AIDA: variants seen among roughly 807,000 people sequenced by gnomAD.
AIDA encodes axin interactor, dorsalization-associated protein.
Under a neutral mutation model 42.7 loss-of-function variants are expected in AIDA, and 18 were observed. The observed-to-expected ratio is 0.42, with a 90% CI of 0.29 to 0.63. The LOEUF is 0.63. Among genes scored for constraint, AIDA ranks in the 20% least tolerant of loss-of-function variants. The probability of loss-of-function intolerance (pLI) is 0.19; values close to 1 mark genes in which losing one functional copy is unlikely to be tolerated. For missense variants in AIDA, 250 were observed against 354.1 expected, an observed-to-expected ratio of 0.71 and a Z score of 2.36; for synonymous variants, 104 against 122.9, an observed-to-expected ratio of 0.85 and a Z score of 1.02.
intron 8 of AIDA, 152 bp from the exon 9 acceptor site, chr1:222,670,402 T>TA (rs1202476676): frequency 3.0e-6 from 2 of 656,468 alleles, no homozygotes; most frequent in African/African-American, 3.7e-5. Context: ...GACAGTAACT[T>TA]ACTATGGTTG....
chr1:222,670,859 A>G (rs904095446), intron 8 of AIDA, among the ~76,000 whole-genome samples: 1 of 152,226 alleles, frequency 6.6e-6, no homozygotes, highest in Non-Finnish European at 1.5e-5. Flanking sequence ...GTAGAAGACA[A>G]AGGTTCAAAG....
chr1:222,670,817 C>T (rs1016615514), intron 8 of AIDA, among the ~76,000 whole-genome samples: 2 of 152,118 alleles, frequency 1.3e-5, no homozygotes, highest in Admixed American at 6.5e-5. Context: ...GATGTTTTTC[C>T]TGGAATTGCA....
chr1:222,676,249 C>A (rs1325225501), intron 6 of AIDA, 31 bp from the exon 7 acceptor site: 1 of 1,585,884 alleles, frequency 6.3e-7, no homozygotes, highest in Non-Finnish European at 8.6e-7. Context: ...ATAAAAGCTC[C>A]ATATCATTTC....
chr1:222,685,880 C>G (rs1372330780), intron 6 of AIDA, among the ~76,000 whole-genome samples: 1 of 152,230 alleles, frequency 6.6e-6, no homozygotes, highest in East Asian at 1.9e-4. Context: ...GTACTTATGG[C>G]CGGGCGCAAT....
At chr1:222,694,994 G>T (rs1558213440) in intron 2 of AIDA, among the ~76,000 whole-genome samples, 1 of 152,256 alleles carries the variant, frequency 6.6e-6, no homozygotes, top group East Asian at 1.9e-4. Context: ...AAAATTAAAG[G>T]GTTTAGAAAA....
chr1:222,691,191 C>G (rs1274140155), intron 4 of AIDA, among the ~76,000 whole-genome samples: 3 of 152,062 alleles, frequency 2.0e-5, no homozygotes, highest in Non-Finnish European at 4.4e-5. Context: ...AGGGAAAGGG[C>G]TTTCCAGGGA....
chr1:222,708,752 T>C (rs1211864118), intron 1 of AIDA, among the ~76,000 whole-genome samples: 1 of 152,188 alleles, frequency 6.6e-6, no homozygotes, highest in Non-Finnish European at 1.5e-5. Context: ...TGAGCAACAG[T>C]TTCTGTGCCA....
chr1:222,686,952 A>G lies in AIDA; in HGVS notation c.438T>C (p.Asp146=). 6.2e-7 allele frequency: 1 copy of G among 1,613,798 alleles called. No homozygotes were observed. The highest frequency in any genetic ancestry group is 8.5e-7 in the Non-Finnish European group (1 of 1,179,934). Residue 146 remains aspartate, a synonymous_variant, in exon 6 of 10, where the codon GAT becomes GAC. Transcript: ENST00000340020. ...TACCGGGAACTCTAGCAGGAAAAGA[A>G]TCAGGAGACCCTGCTCCAGCACCAC... ...EEGGAGAGSP[D]SFPARVPGTL...
intron 1 of AIDA, among the ~76,000 whole-genome samples, chr1:222,709,751 C>T (rs1655943586): frequency 2.6e-5 from 4 of 152,202 alleles, no homozygotes; most frequent in Admixed American, 2.0e-4. Context: ...GGAGCACTTA[C>T]TCTTTTCATA....
chr1:222,674,079 C>A (rs548676095), intron 7 of AIDA, among the ~76,000 whole-genome samples: 3 of 152,266 alleles, frequency 2.0e-5, no homozygotes, highest in African/African-American at 7.2e-5. Flanking sequence ...AAGAGTGAAA[C>A]TCTGTGTCAA....
At chr1:222,675,698 G>A (rs1305542344) in intron 7 of AIDA, among the ~76,000 whole-genome samples, 2 of 152,166 alleles carry the variant, frequency 1.3e-5, no homozygotes, top group Non-Finnish European at 2.9e-5. Context: ...TAATGCAGGA[G>A]GAATCGGGAA....
intron 1 of AIDA, among the ~76,000 whole-genome samples, chr1:222,707,786 T>A (rs1433640573): frequency 1.3e-5 from 2 of 152,230 alleles, no homozygotes; most frequent in Non-Finnish European, 2.9e-5. Context: ...TAGAAATTCG[T>A]GCTTCTCAAA....
chr1:222,673,014 T>G lies in AIDA; in HGVS notation c.706+299A>C, dbSNP rs1023687557. Among the ~76,000 whole-genome samples the G allele has an allele frequency of 2.3e-4, 35 of 152,350 alleles. 1 individual carries two copies. Among genetic ancestry groups the G allele is most frequent in the South Asian group, 8.3e-4 (4 of 4,822 alleles). ...ATGAAAACTGAATCATCAGGGAACC[T>G]TCACGCACTCCTGCTTCTCCCAGCC... On this transcript the variant is annotated intron_variant, in intron 8 of 9. Coordinates refer to ENST00000340020, the MANE Select transcript of AIDA (RefSeq NM_022831.4).
chr1:222,688,962 C>T (rs995104138), intron 4 of AIDA, among the ~76,000 whole-genome samples: 7 of 151,782 alleles, frequency 4.6e-5, no homozygotes, highest in Non-Finnish European at 8.8e-5. Context: ...GTGTTACTGC[C>T]CTGGAAGACC....
intron 1 of AIDA, among the ~76,000 whole-genome samples, chr1:222,704,631 T>G (rs1183277883): frequency 1.3e-5 from 2 of 151,844 alleles, no homozygotes; most frequent in African/African-American, 2.4e-5. Flanking sequence ...AAAAGCAGAT[T>G]AGTGGTTGCC....
intron 2 of AIDA, among the ~76,000 whole-genome samples, chr1:222,697,413 A>C (rs1655552713): frequency 7.2e-6 from 1 of 139,768 alleles, no homozygotes; most frequent in East Asian, 2.1e-4. Flanking sequence ...TTGATATCAA[A>C]ATCAAGCGCT....
intron 4 of AIDA, among the ~76,000 whole-genome samples, chr1:222,693,029 A>C (rs1655410148): frequency 6.6e-6 from 1 of 152,198 alleles, no homozygotes; most frequent in Admixed American, 6.5e-5. Context: ...AAACAGAGCA[A>C]ATCATTTCAG....
At chr1:222,697,103 C>A (rs1378561548) in intron 2 of AIDA, among the ~76,000 whole-genome samples, 1 of 151,850 alleles carries the variant, frequency 6.6e-6, no homozygotes, top group Non-Finnish European at 1.5e-5. Flanking sequence ...CCACCGCGCC[C>A]GGCTAATTTC....
intron 8 of AIDA, 126 bp from the exon 9 acceptor site, chr1:222,670,376 C>G: frequency 1.4e-6 from 1 of 724,970 alleles, no homozygotes; most frequent in Non-Finnish European, 2.3e-6. Flanking sequence ...ACAACTTGTG[C>G]CAGTCTCAAT....
Sources: allele counts gnomAD v4.1 joint callset (sites outside exome capture counted in the v4.1 genomes callset), GRCh38; gene constraint gnomAD v4.1.1; transcripts MANE v1.5; gene names NCBI Gene and HGNC (gene_info 2026-07-23, HGNC 2026-07-21).